Variants in UBE2D4 observed in about 807,000 individuals in gnomAD.
UBE2D4 encodes ubiquitin conjugating enzyme E2 D4, also known as ubiquitin-conjugating enzyme E2 D4.
In UBE2D4, 17 loss-of-function variants were observed where a neutral mutation model predicts 23.0. The ratio of observed to expected loss-of-function variants is 0.74; its 90% CI spans 0.51 to 1.11. The LOEUF (loss-of-function observed/expected upper bound fraction) is 1.11, where lower values mean the gene tolerates loss of function less well. Ranked by LOEUF, UBE2D4 falls within the 50% of genes least tolerant of loss-of-function variation. The pLI, the probability that UBE2D4 is intolerant of heterozygous loss-of-function variation, is 0.00. For synonymous variants in UBE2D4, 61 were observed against 69.4 expected (o/e 0.88, Z 0.60); for missense variants, 139 against 181.8 (o/e 0.76, Z 1.35).
intron 1 of UBE2D4, 120 bp downstream of exon 1, chr7:43,926,676 G>C (rs551171641): frequency 1.8e-6 from 2 of 1,115,412 alleles, no homozygotes; most frequent in Admixed American, 6.7e-5. Flanking sequence ...ACACCTGCCT[G>C]GGAAGGAGGC....
chr7:43,947,826 C>T (rs1029253613), intron 4 of UBE2D4, among the ~76,000 whole-genome samples: 4 of 152,206 alleles, frequency 2.6e-5, no homozygotes, highest in African/African-American at 9.6e-5. Context: ...TAAAAGCATT[C>T]CTATTTCTCC....
At chr7:43,938,614 T>C (rs1203656512) in intron 2 of UBE2D4, 120 bp downstream of exon 2, 20 of 893,332 alleles carry the variant, frequency 2.2e-5, no homozygotes, top group Admixed American at 4.0e-5. Flanking sequence ...GGTGGGTGGA[T>C]CACCTGAGGT....
rs747736373 is a variant in UBE2D4 at position 43,948,812 on chromosome 7, G to C, written c.304+75G>C. 5.1e-6 allele frequency: 6 copies of C among 1,181,974 alleles called. No individual in the cohort carries two copies. In the East Asian group the frequency reaches 7.1e-5, roughly 14 times the overall value. 73.2% of individuals were successfully genotyped at this position (1,181,974 alleles called of 1,614,324 possible). Reference sequence around the variant, plus strand: ...CCCCAGCACTGACTGAGTGGAAATGGAAGCTCAGAGAAAGAAGTCACCTTT... The same window carrying C: ...CCCCAGCACTGACTGAGTGGAAATGCAAGCTCAGAGAAAGAAGTCACCTTT... On this transcript the variant is annotated intron_variant, in intron 5 of 6. Coordinates refer to ENST00000222402, the MANE Select transcript of UBE2D4 (RefSeq NM_015983.4).
intron 1 of UBE2D4, among the ~76,000 whole-genome samples, chr7:43,935,293 T>C (rs2095956015): frequency 6.6e-6 from 1 of 152,204 alleles, no homozygotes; most frequent in African/African-American, 2.4e-5. Flanking sequence ...TATTAACTTT[T>C]AGGTTGGGGG....
At chr7:43,929,083 G>A (rs2132748066) in intron 1 of UBE2D4, among the ~76,000 whole-genome samples, 1 of 152,134 alleles carries the variant, frequency 6.6e-6, no homozygotes, top group South Asian at 2.1e-4. Flanking sequence ...CTTGAGTCCA[G>A]GAGTTGGAGA....
chr7:43,926,491 C>G lies in UBE2D4; in HGVS notation c.-42C>G, dbSNP rs1740737547. On this transcript the variant is annotated 5_prime_UTR_variant, in exon 1 of 7. Transcript: ENST00000222402. ...TGAGCCGGCAGCGGGCCGCCTCAGGCAGCCCCGGCCGGGCCGCCCGGGTCC... is the reference window on the plus strand; with the variant it reads ...TGAGCCGGCAGCGGGCCGCCTCAGGGAGCCCCGGCCGGGCCGCCCGGGTCC... 1 of 1,472,070 alleles carries G rather than the reference C, an allele frequency of 6.8e-7. No homozygotes were observed. Among genetic ancestry groups the G allele is most frequent in the Non-Finnish European group, 9.0e-7 (1 of 1,107,446 alleles). 91.2% of individuals were successfully genotyped at this position (1,472,070 alleles called of 1,614,324 possible).
At chr7:43,945,663 T>C (rs762496732) in intron 4 of UBE2D4, among the ~76,000 whole-genome samples, 1 of 151,866 alleles carries the variant, frequency 6.6e-6, no homozygotes, top group Non-Finnish European at 1.5e-5. Flanking sequence ...TATTAAAAAC[T>C]ATATCAAACA....
chr7:43,936,249 T>G (rs78039065), intron 1 of UBE2D4, among the ~76,000 whole-genome samples: 1 of 149,660 alleles, frequency 6.7e-6, no homozygotes, highest in Non-Finnish European at 1.5e-5. Flanking sequence ...TGCCAGCATG[T>G]TTTTTTTTTC....
In UBE2D4 at chr7:43,948,719, G is replaced by T. The variant is rs1406979829; in HGVS notation, c.286G>T (p.Ala96Ser). The T allele has an allele frequency of 1.2e-6, 2 of 1,613,148 alleles. No homozygotes were observed. Among genetic ancestry groups the T allele is most frequent in the Admixed American group, 3.3e-5 (2 of 60,012 alleles). Residue 96 changes from alanine to serine, a missense_variant, in exon 5 of 7, where the codon GCG becomes TCG. Physicochemically the swap from Ala to Ser is moderately conservative, Grantham distance 99. Coordinates refer to ENST00000222402, the MANE Select transcript of UBE2D4 (RefSeq NM_015983.4). The stretch of plus-strand genomic sequence containing the variant: ...TATCCTGCGGTCTCAGTGGTCTCCA[G>T]CGTTGACTGTGTCAAAAGGTAGAGA... ...LDILRSQWSP[A>S]LTVSKVLLSI...
rs1008331552 is a variant in UBE2D4 at position 43,955,073 on chromosome 7, A to C, written c.*2378A>C. 1 of 152,148 alleles carries C rather than the reference A, an allele frequency of 6.6e-6. No homozygotes were observed. The highest frequency in any genetic ancestry group is 6.6e-5 in the Admixed American group (1 of 15,264). The allele number at this position is 152,148 out of a possible 1,614,324, so 9.4% of individuals were successfully genotyped here. On this transcript the variant is annotated 3_prime_UTR_variant, in exon 7 of 7. Transcript: ENST00000222402. ...CCTAAGGTGGCTTTGTACCTTCCAG[A>C]TCTCTCAGCAAATCCCCTGGGCAGA...
In UBE2D4 at chr7:43,954,285, T is replaced by TA. The variant is rs1554297664; in HGVS notation, c.*1592dup. On this transcript the variant is annotated 3_prime_UTR_variant, in exon 7 of 7. Coordinates refer to ENST00000222402, the MANE Select transcript of UBE2D4 (RefSeq NM_015983.4). Reference sequence around the variant, plus strand: ...TTTTTTTTTTTTTTTTTTTTTTTTTTAACACAGAGCCTTGCTCTGTCTCCC... The same window carrying TA: ...TTTTTTTTTTTTTTTTTTTTTTTTTTAAACACAGAGCCTTGCTCTGTCTCCC... 2.4e-4 allele frequency: 24 copies of TA among 100,448 alleles called. No individual in the cohort carries two copies. The highest frequency in any genetic ancestry group is 7.5e-4 in the African/African-American group (18 of 23,848). The allele number at this position is 100,448 out of a possible 1,614,324, so 6.2% of individuals were successfully genotyped here.
chr7:43,934,232 T>C (rs1202497638), intron 1 of UBE2D4, among the ~76,000 whole-genome samples: 1 of 151,824 alleles, frequency 6.6e-6, no homozygotes, highest in African/African-American at 2.4e-5. Flanking sequence ...TACGTGCAAA[T>C]AGATTGTGTA....
chr7:43,950,518 G>C, intron 5 of UBE2D4, 81 bp from the exon 6 acceptor site: 2 of 1,040,048 alleles, frequency 1.9e-6, no homozygotes, highest in Non-Finnish European at 1.5e-6. Context: ...AAAATACAGA[G>C]TGCAAGTTCA....
At chr7:43,945,383 A>T (rs1434154082) in intron 4 of UBE2D4, among the ~76,000 whole-genome samples, 1 of 152,256 alleles carries the variant, frequency 6.6e-6, no homozygotes, top group Non-Finnish European at 1.5e-5. Flanking sequence ...GAAAGGTGAC[A>T]GTGACACTCT....
Position 43,938,487 on chromosome 7 carries a change from T to A in UBE2D4, c.81T>A (p.Gly27=). 6.2e-7 allele frequency: 1 copy of A among 1,614,074 alleles called. No homozygotes were observed. The highest frequency in any genetic ancestry group is 8.5e-7 in the Non-Finnish European group (1 of 1,179,976). The change falls in exon 2 of 7, where the codon GGT becomes GGA. Residue 27 remains glycine (G), a synonymous_variant. Coordinates refer to ENST00000222402, the MANE Select transcript of UBE2D4 (RefSeq NM_015983.4). ...CCCAGTGTTCTGCAGGACCTGTCGG[T>A]GATGACTGTAAGTATTTTGGGGGGC... ...PPAQCSAGPV[G]DDLFHWQATI... is the part of the protein sequence containing the mutation.
At chr7:43,933,089 ATG>A (rs974514513) in intron 1 of UBE2D4, among the ~76,000 whole-genome samples, 2 of 147,604 alleles carry the variant, frequency 1.4e-5, no homozygotes, top group South Asian at 2.1e-4. Context: ...ACACATATGT[ATG>A]TGTGTATATA....
Position 43,955,757 on chromosome 7 carries a change from C to T in UBE2D4, c.*3062C>T, listed in dbSNP as rs2096011994. On this transcript the variant is annotated 3_prime_UTR_variant, in exon 7 of 7. Coordinates refer to ENST00000222402, the MANE Select transcript of UBE2D4 (RefSeq NM_015983.4). ...AGCCACTCATCTCTCCTCCCCTCCC[C>T]ACCCCTTCTTCCCCTGCTTCCATTC... The T allele has an allele frequency of 1.3e-5, 2 of 152,328 alleles. No homozygotes were observed. Among genetic ancestry groups the T allele is most frequent in the Non-Finnish European group, 2.9e-5 (2 of 68,134 alleles). 9.4% of individuals were successfully genotyped at this position (152,328 alleles called of 1,614,324 possible).
At chr7:43,936,289 T>C (rs1472811449) in intron 1 of UBE2D4, among the ~76,000 whole-genome samples, 1 of 152,174 alleles carries the variant, frequency 6.6e-6, no homozygotes, top group East Asian at 1.9e-4. Flanking sequence ...AATTGTGTCT[T>C]ATAAAGGATG....
intron 1 of UBE2D4, among the ~76,000 whole-genome samples, chr7:43,935,820 T>C (rs1337698907): frequency 6.6e-6 from 1 of 152,192 alleles, no homozygotes; most frequent in African/African-American, 2.4e-5. Context: ...ACAATACATA[T>C]AGATTCATGT....
Sources: gnomAD v4.1 joint callset for allele counts (sites outside exome capture counted in the v4.1 genomes callset) on GRCh38, gnomAD v4.1.1 for gene constraint, MANE v1.5 for transcripts, NCBI Gene and HGNC (gene_info 2026-07-23, HGNC 2026-07-21) for gene names.